The following TACR1 variants were observed in gnomAD, a reference collection of about 807,000 sequenced individuals.
TACR1 encodes tachykinin receptor 1.
In TACR1, 25 loss-of-function variants were observed where a neutral mutation model predicts 35.8. That is an observed-to-expected ratio of 0.70 (90% confidence interval 0.51 to 0.98). The LOEUF (loss-of-function observed/expected upper bound fraction) is 0.98, where lower values mean the gene tolerates loss of function less well. TACR1 is among the 50% of genes least tolerant of loss of function. The probability of loss-of-function intolerance (pLI) is 0.00; values close to 1 mark genes in which losing one functional copy is unlikely to be tolerated. For missense variants in TACR1, 478 were observed against 522.9 expected, an observed-to-expected ratio of 0.91 and a Z score of 0.84; for synonymous variants, 195 against 206.7, an observed-to-expected ratio of 0.94 and a Z score of 0.48.
At chr2:75,087,357 A>C (rs1225790821) in intron 2 of TACR1, among the ~76,000 whole-genome samples, 1 of 152,226 alleles carries the variant, frequency 6.6e-6, no homozygotes, top group African/African-American at 2.4e-5. Context: ...ATATCCCAGT[A>C]GTTCTTCCCC....
intron 1 of TACR1, chr2:75,189,245 G>C (rs1013655746): frequency 6.6e-6 from 1 of 152,186 alleles, no homozygotes; most frequent in African/African-American, 2.4e-5. Context: ...CTCAGGTATC[G>C]AGATGCAGCT....
chr2:75,049,297 C>T lies in TACR1; in HGVS notation c.*135G>A. 1.6e-5 allele frequency: 15 copies of T among 967,506 alleles called. No homozygotes were observed. Among genetic ancestry groups the T allele is most frequent in the Non-Finnish European group, 2.3e-5 (15 of 663,174 alleles). The allele number at this position is 967,506 out of a possible 1,614,324, so 59.9% of individuals were successfully genotyped here. A position where few individuals can be genotyped will look rare whatever the true frequency, so the allele number is the denominator to read the frequency against. ...TTTGACTCAAGGATGGAATGTTTTC[C>T]CTAACCCATACTGACCCTTTTTGCA... On this transcript the variant is annotated 3_prime_UTR_variant, in exon 5 of 5. Transcript: ENST00000305249.
At chr2:75,092,506 A>G (rs1406715327) in intron 2 of TACR1, among the ~76,000 whole-genome samples, 1 of 152,170 alleles carries the variant, frequency 6.6e-6, no homozygotes, top group Non-Finnish European at 1.5e-5. Context: ...AGAATGATTC[A>G]GAGAGATGCT....
intron 1 of TACR1, among the ~76,000 whole-genome samples, chr2:75,184,536 C>A (rs73935635): frequency 0.11 from 16,665 of 151,024 alleles, 1,205 homozygotes; most frequent in African/African-American, 0.21. Flanking sequence ...AGAAAAAAAA[C>A]CAGAAAAATC....
At chr2:75,064,923 A>G (rs1212903925) in intron 2 of TACR1, among the ~76,000 whole-genome samples, 1 of 152,196 alleles carries the variant, frequency 6.6e-6, no homozygotes, top group Non-Finnish European at 1.5e-5. Context: ...AGGGTGGAGA[A>G]GAGGATGTGG....
intron 1 of TACR1, among the ~76,000 whole-genome samples, chr2:75,166,147 A>C (rs989263743): frequency 6.6e-6 from 1 of 152,238 alleles, no homozygotes; most frequent in African/African-American, 2.4e-5. Flanking sequence ...AAATGATTTA[A>C]TATTAAAACA....
At position 75,051,411 on chromosome 2, in the gene TACR1, C is replaced by G; in HGVS notation, c.772G>C (p.Ala258Pro). The G allele has an allele frequency of 6.2e-7, 1 of 1,614,076 alleles. No homozygotes were observed. The highest frequency in any genetic ancestry group is 8.5e-7 in the Non-Finnish European group (1 of 1,180,006). Residue 258 changes from alanine (A) to proline (P), a missense_variant, in exon 4 of 5, where the codon GCC becomes CCC. By Grantham distance (27) the Ala-to-Pro change is conservative (BLOSUM62 -1). Transcript: ENST00000305249. ...KMMIVVVCTFAICWLPFHIFF... is the reference protein window; with the variant it reads ...KMMIVVVCTFPICWLPFHIFF... The stretch of plus-strand genomic sequence containing the variant: ...ATGTGGAAGGGCAGCCAGCAGATGG[C>G]GAAGGTGCACACCACGACAATCATC...
intron 2 of TACR1, among the ~76,000 whole-genome samples, chr2:75,110,328 A>G (rs1368978263): frequency 1.3e-5 from 2 of 151,920 alleles, no homozygotes; most frequent in African/African-American, 4.8e-5. Context: ...TTCTAGAAGT[A>G]GATGTCTTAA....
chr2:75,198,978 C>A lies in TACR1; in HGVS notation c.-44G>T. On this transcript the variant is annotated 5_prime_UTR_variant, in exon 1 of 5. Transcript: ENST00000305249. ...AGCCCTACTATCTGTACACAACCCCCCTCTGCAGCAGAGTCCTGTGGCTGG... is the reference window on the plus strand; with the variant it reads ...AGCCCTACTATCTGTACACAACCCCACTCTGCAGCAGAGTCCTGTGGCTGG... 1.3e-6 allele frequency: 2 copies of A among 1,590,490 alleles called. No homozygotes were observed. Among genetic ancestry groups the A allele is most frequent in the South Asian group, 1.2e-5 (1 of 86,816 alleles).
chr2:75,152,813 T>A (rs181480131), intron 1 of TACR1, among the ~76,000 whole-genome samples: 1 of 152,350 alleles, frequency 6.6e-6, no homozygotes, highest in Non-Finnish European at 1.5e-5. Context: ...CTTAGGAGAA[T>A]AGACTGTACA....
intron 1 of TACR1, among the ~76,000 whole-genome samples, chr2:75,150,527 C>G (rs1674647324): frequency 6.6e-6 from 1 of 152,148 alleles, no homozygotes; most frequent in Non-Finnish European, 1.5e-5. Flanking sequence ...TTTGCTGCCA[C>G]CATATATGAA....
chr2:75,191,989 C>T (rs1251259650), intron 1 of TACR1, among the ~76,000 whole-genome samples: 5 of 151,596 alleles, frequency 3.3e-5, no homozygotes, highest in Non-Finnish European at 5.9e-5. Flanking sequence ...TGCAACACCA[C>T]GGGATAAATG....
At chr2:75,192,989 G>C (rs886868452) in intron 1 of TACR1, among the ~76,000 whole-genome samples, 2 of 151,928 alleles carry the variant, frequency 1.3e-5, no homozygotes, top group Non-Finnish European at 2.9e-5. Context: ...CCTGTGCCTT[G>C]CTGCCTCTCT....
chr2:75,195,131 A>T (rs138385410), intron 1 of TACR1, among the ~76,000 whole-genome samples: 69 of 152,272 alleles, frequency 4.5e-4, no homozygotes, highest in African/African-American at 1.5e-3. Context: ...TTAGTTTTAT[A>T]GTTGTAAAGA....
At chr2:75,080,109 G>T (rs1673054577) in intron 2 of TACR1, among the ~76,000 whole-genome samples, 1 of 152,138 alleles carries the variant, frequency 6.6e-6, no homozygotes, top group African/African-American at 2.4e-5. Flanking sequence ...ATTGAGATAA[G>T]GTTAATTGTT....
At chr2:75,109,841 A>G (rs987400767) in intron 2 of TACR1, among the ~76,000 whole-genome samples, 1 of 152,246 alleles carries the variant, frequency 6.6e-6, no homozygotes, top group Non-Finnish European at 1.5e-5. Context: ...GGTGAAAGAA[A>G]TAATCAAGTT....
At chr2:75,151,338 G>A (rs2103965623) in intron 1 of TACR1, among the ~76,000 whole-genome samples, 1 of 152,304 alleles carries the variant, frequency 6.6e-6, no homozygotes, top group South Asian at 2.1e-4. Flanking sequence ...GTGTTTTTGT[G>A]GATCTGGCCC....
intron 2 of TACR1, among the ~76,000 whole-genome samples, chr2:75,089,848 A>T (rs969482275): frequency 1.3e-5 from 2 of 152,170 alleles, no homozygotes; most frequent in Non-Finnish European, 2.9e-5. Context: ...CTCTCAACCC[A>T]GCCAAACCAT....
chr2:75,062,249 A>G (rs2103799229), intron 2 of TACR1, among the ~76,000 whole-genome samples: 1 of 152,238 alleles, frequency 6.6e-6, no homozygotes, highest in East Asian at 1.9e-4. Context: ...CACTACAAGT[A>G]CTATATACTC....
Sources: allele counts gnomAD v4.1 joint callset (sites outside exome capture counted in the v4.1 genomes callset), GRCh38; gene constraint gnomAD v4.1.1; transcripts MANE v1.5; gene names NCBI Gene and HGNC (gene_info 2026-07-23, HGNC 2026-07-21).